SPIRE1: variants seen among roughly 807,000 people sequenced by gnomAD.
SPIRE1 encodes spire type actin nucleation factor 1.
SPIRE1 carries 40 observed loss-of-function variants against 94.1 expected under a neutral mutation model. The observed-to-expected ratio is 0.43, with a 90% CI of 0.33 to 0.55. SPIRE1 has a LOEUF of 0.55. Ranked by LOEUF, SPIRE1 falls within the 20% of genes least tolerant of loss-of-function variation. SPIRE1 has a pLI of 0.06. For synonymous variants in SPIRE1, 376 were observed against 371.7 expected, an observed-to-expected ratio of 1.01 and a Z score of -0.13; for missense variants, 838 against 975.2, an observed-to-expected ratio of 0.86 and a Z score of 1.87.
chr18:12,560,179 G>A (rs541323476), intron 2 of SPIRE1, among the ~76,000 whole-genome samples: 1 of 152,226 alleles, frequency 6.6e-6, no homozygotes, highest in East Asian at 1.9e-4. Flanking sequence ...CAGTTTGGAG[G>A]TTCCTCAAAA....
intron 4 of SPIRE1, among the ~76,000 whole-genome samples, chr18:12,518,538 C>G (rs990135111): frequency 1.3e-5 from 2 of 151,422 alleles, no homozygotes; most frequent in Non-Finnish European, 2.9e-5. Context: ...CAAATTACTG[C>G]CAGGCACAGT....
intron 4 of SPIRE1, among the ~76,000 whole-genome samples, chr18:12,535,192 G>A (rs2034799328): frequency 6.6e-6 from 1 of 152,200 alleles, no homozygotes; most frequent in African/African-American, 2.4e-5. Flanking sequence ...AGTCACATGA[G>A]AATGGACTGA....
At chr18:12,575,931 C>T (rs568605063) in intron 2 of SPIRE1, among the ~76,000 whole-genome samples, 1 of 152,334 alleles carries the variant, frequency 6.6e-6, no homozygotes, top group African/African-American at 2.4e-5. Context: ...AGGCCAGACG[C>T]GGTGGCTCAC....
At chr18:12,556,211 T>C (rs2144353926) in intron 2 of SPIRE1, among the ~76,000 whole-genome samples, 1 of 152,218 alleles carries the variant, frequency 6.6e-6, no homozygotes, top group Middle Eastern at 3.4e-3. Flanking sequence ...AGAATCAACA[T>C]TGTTAAAATG....
At chr18:12,624,389 A>G (rs2037561587) in intron 2 of SPIRE1, among the ~76,000 whole-genome samples, 1 of 151,644 alleles carries the variant, frequency 6.6e-6, no homozygotes, top group Non-Finnish European at 1.5e-5. Flanking sequence ...CTGAAATTAC[A>G]AAAATTAGCC....
intron 8 of SPIRE1, among the ~76,000 whole-genome samples, chr18:12,488,868 T>C (rs2033132785): frequency 6.6e-6 from 1 of 152,160 alleles, no homozygotes; most frequent in African/African-American, 2.4e-5. Flanking sequence ...AGGAAATTGA[T>C]TAGGGATTTT....
At chr18:12,477,735 G>A (rs773868099) in intron 10 of SPIRE1, among the ~76,000 whole-genome samples, 65 of 152,262 alleles carry the variant, frequency 4.3e-4, no homozygotes, top group Non-Finnish European at 7.6e-4. Flanking sequence ...GCGAGGCCAC[G>A]CTGACTCTGA....
intron 4 of SPIRE1, among the ~76,000 whole-genome samples, chr18:12,513,398 A>G (rs944618913): frequency 1.3e-5 from 2 of 152,228 alleles, no homozygotes; most frequent in South Asian, 2.1e-4. Flanking sequence ...TTTTAAAAAA[A>G]TTTTTCCCTA....
intron 1 of SPIRE1, among the ~76,000 whole-genome samples, chr18:12,643,219 A>G (rs1176253288): frequency 6.6e-6 from 1 of 152,208 alleles, no homozygotes; most frequent in Non-Finnish European, 1.5e-5. Flanking sequence ...TGAAAGTCAA[A>G]GTACTCTTTG....
chr18:12,556,657 A>ATCTGGAGTTGTTCATTCCTCCCC (rs908760122), intron 2 of SPIRE1, among the ~76,000 whole-genome samples: 1 of 152,088 alleles, frequency 6.6e-6, no homozygotes, highest in Non-Finnish European at 1.5e-5. Flanking sequence ...GGCCCAGGGC[A>ATCTGGAGTTGTTCATTCCTCCCC]TCTGGAGTTG....
At chr18:12,526,125 C>T (rs555831128) in intron 4 of SPIRE1, among the ~76,000 whole-genome samples, 2 of 138,320 alleles carry the variant, frequency 1.4e-5, no homozygotes, top group Admixed American at 7.2e-5. Flanking sequence ...GAAAGCCATT[C>T]AGAGCATGGG....
intron 2 of SPIRE1, among the ~76,000 whole-genome samples, chr18:12,597,157 T>TACACACAC (rs58238813): frequency 0.034 from 4,905 of 144,002 alleles, 110 homozygotes; most frequent in Admixed American, 0.06. Context: ...TGTCTCTTTC[T>TACACACAC]ACACACACAC....
intron 2 of SPIRE1, among the ~76,000 whole-genome samples, chr18:12,579,104 A>C (rs923184440): frequency 3.9e-5 from 6 of 151,958 alleles, no homozygotes; most frequent in African/African-American, 1.2e-4. Flanking sequence ...GGGAGGAAAA[A>C]AAACCCAAAA....
chr18:12,479,816 T>C lies in SPIRE1; in HGVS notation c.1287A>G (p.Gly429=), dbSNP rs376439857. The C allele has an allele frequency of 1.2e-6, 2 of 1,614,048 alleles. No homozygotes were observed. The highest frequency in any genetic ancestry group is 2.7e-5 in the African/African-American group (2 of 74,922). Reference sequence around the variant, plus strand: ...TTTCTTTTGTTTGTGATGTCAAACCTCCATTCACCATAGATGACTCCACAA... The same window carrying C: ...TTTCTTTTGTTTGTGATGTCAAACCCCCATTCACCATAGATGACTCCACAA... ...KNLVESSMVN[G]GLTSQTKENG... Residue 429 remains glycine (G), a synonymous_variant, in exon 10 of 17, where the codon GGA becomes GGG. Coordinates refer to ENST00000409402, the MANE Select transcript of SPIRE1 (RefSeq NM_001128626.2).
intron 2 of SPIRE1, among the ~76,000 whole-genome samples, chr18:12,628,581 T>G (rs1021407501): frequency 6.6e-6 from 1 of 152,228 alleles, no homozygotes; most frequent in African/African-American, 2.4e-5. Context: ...TCCAATTCTG[T>G]GAAGAAAGTC....
At chr18:12,557,239 G>A (rs1037881611) in intron 2 of SPIRE1, among the ~76,000 whole-genome samples, 5 of 152,206 alleles carry the variant, frequency 3.3e-5, no homozygotes, top group South Asian at 2.1e-4. Context: ...GGGAGACCAC[G>A]GCAGCGGGGC....
At position 12,525,296 on chromosome 18, in the gene SPIRE1, AAAT is replaced by A. The variant is rs1217410668; in HGVS notation, c.729+10177_729+10179del. 4.5e-3 allele frequency among the ~76,000 whole-genome samples: 534 copies of A among 119,838 alleles called. 4 individuals are homozygous for A. Among genetic ancestry groups the A allele is most frequent in the Middle Eastern group, 0.022 (5 of 228 alleles). 78.6% of individuals were successfully genotyped at this position (119,838 alleles called of 152,430 possible). On this transcript the variant is annotated intron_variant, in intron 4 of 16. Coordinates refer to ENST00000409402, the MANE Select transcript of SPIRE1 (RefSeq NM_001128626.2). ...CGTCTCAAAAAAAAAAAAAAAAAAAAAATAATAATAATAATAATAATAACAAAG... is the reference window on the plus strand; with the variant it reads ...CGTCTCAAAAAAAAAAAAAAAAAAAAAATAATAATAATAATAATAACAAAG...
intron 2 of SPIRE1, among the ~76,000 whole-genome samples, chr18:12,608,360 A>G (rs989303789): frequency 6.6e-6 from 1 of 152,218 alleles, no homozygotes; most frequent in Non-Finnish European, 1.5e-5. Flanking sequence ...ATTTTATACT[A>G]CAATGAACCA....
upstream of SPIRE1, chr18:12,662,011 T>C (rs924866781): frequency 1.6e-5 from 4 of 255,322 alleles, no homozygotes; most frequent in Non-Finnish European, 2.4e-5. Flanking sequence ...TGACTTTTTT[T>C]ATATTTACTT....
Sources: allele counts gnomAD v4.1 joint callset (sites outside exome capture counted in the v4.1 genomes callset), GRCh38; gene constraint gnomAD v4.1.1; transcripts MANE v1.5; gene names NCBI Gene and HGNC (gene_info 2026-07-23, HGNC 2026-07-21).